Variants in TP63 observed in about 807,000 individuals in gnomAD.
TP63 encodes the protein tumor protein p63, also known as tumor protein 63.
Under a neutral mutation model 82.8 loss-of-function variants are expected in TP63, and 17 were observed. That is an observed-to-expected ratio of 0.21 (90% CI 0.14 to 0.31). The LOEUF (loss-of-function observed/expected upper bound fraction) is 0.31. TP63 is among the 10% of genes least tolerant of loss of function. The pLI is 1.00. For missense variants in TP63, 648 were observed against 895.3 expected (o/e 0.72, Z 3.52); for synonymous variants, 330 against 321.7 (o/e 1.03, Z -0.28).
intron 1 of TP63, among the ~76,000 whole-genome samples, chr3:189,705,057 AT>A (rs1450892224): frequency 6.6e-6 from 1 of 152,196 alleles, no homozygotes; most frequent in African/African-American, 2.4e-5. Context: ...TTTCTTCAAT[AT>A]TTTTTACCTA....
intron 1 of TP63, among the ~76,000 whole-genome samples, chr3:189,734,281 C>T (rs28418876): frequency 0.61 from 91,512 of 149,660 alleles, 28,286 homozygotes; most frequent in Middle Eastern, 0.68. Flanking sequence ...AAGCGATTCT[C>T]CTGCCTCAGC....
chr3:189,734,379 A>G (rs529302445), intron 1 of TP63, among the ~76,000 whole-genome samples: 161 of 151,234 alleles, frequency 1.1e-3, no homozygotes, highest in African/African-American at 3.5e-3. Flanking sequence ...CTTGCCCTGG[A>G]CCCTCTTCCT....
At chr3:189,724,893 G>C (rs1181553246) in intron 1 of TP63, among the ~76,000 whole-genome samples, 1 of 152,152 alleles carries the variant, frequency 6.6e-6, no homozygotes, top group African/African-American at 2.4e-5. Context: ...GTACGGGAGA[G>C]ACTAACAATC....
Position 189,720,060 on chromosome 3 carries a change from T to C in TP63, c.63-17680T>C, listed in dbSNP as rs1456220729. 2.0e-5 allele frequency among the ~76,000 whole-genome samples: 3 copies of C among 152,314 alleles called. No individual in the cohort carries two copies. In the East Asian group the frequency reaches 5.8e-4, roughly 29 times the overall value. On this transcript the variant is annotated intron_variant, in intron 1 of 13. Coordinates refer to ENST00000264731, the MANE Select transcript of TP63 (RefSeq NM_003722.5). The stretch of plus-strand genomic sequence containing the variant: ...TCACAAGCTACAATCTATTCATTTT[T>C]CCTCTGCCAAACCCTGTCTCAAATT...
chr3:189,894,117 G>A, intron 13 of TP63, 89 bp from the exon 14 acceptor site: 1 of 1,483,014 alleles, frequency 6.7e-7, no homozygotes, highest in Non-Finnish European at 9.3e-7. Context: ...AATTAAACCA[G>A]AGCATCAGGG....
At chr3:189,704,868 C>T (rs1238912154) in intron 1 of TP63, among the ~76,000 whole-genome samples, 1 of 152,172 alleles carries the variant, frequency 6.6e-6, no homozygotes, top group Non-Finnish European at 1.5e-5. Context: ...AGGCTAAAAT[C>T]TCTCATCCAT....
At chr3:189,757,817 TTAA>T (rs1361503895) in intron 3 of TP63, among the ~76,000 whole-genome samples, 1 of 152,058 alleles carries the variant, frequency 6.6e-6, no homozygotes, top group African/African-American at 2.4e-5. Context: ...TCAAATAATA[TTAA>T]TAATTGTTCG....
intron 1 of TP63, among the ~76,000 whole-genome samples, chr3:189,698,154 C>T (rs1717532410): frequency 6.6e-6 from 1 of 152,066 alleles, no homozygotes; most frequent in Admixed American, 6.6e-5. Flanking sequence ...CATTACACAT[C>T]AGGTTTAGGT....
At chr3:189,636,635 A>G (rs1016154851) in intron 1 of TP63, among the ~76,000 whole-genome samples, 2 of 152,156 alleles carry the variant, frequency 1.3e-5, no homozygotes, top group African/African-American at 4.8e-5. Context: ...CCAATCTTCT[A>G]AATATAGACC....
At chr3:189,824,546 T>C (rs549420330) in intron 4 of TP63, among the ~76,000 whole-genome samples, 1 of 152,260 alleles carries the variant, frequency 6.6e-6, no homozygotes, top group Middle Eastern at 3.4e-3. Context: ...ACTTTTCCAA[T>C]TAGGCTGTGC....
chr3:189,710,743 A>T (rs1422419370), intron 1 of TP63, among the ~76,000 whole-genome samples: 3 of 152,158 alleles, frequency 2.0e-5, no homozygotes. Context: ...GATTCAACAG[A>T]GTCAGGGAAA....
At chr3:189,720,336 A>G (rs7637305) in intron 1 of TP63, among the ~76,000 whole-genome samples, 142,419 of 152,218 alleles carry the variant, frequency 0.94, 66,880 homozygotes, top group Non-Finnish European at 0.98. Context: ...TTTTATTATC[A>G]TTATTGGCTT....
At chr3:189,682,796 A>C (rs1716093098) in intron 1 of TP63, among the ~76,000 whole-genome samples, 1 of 151,830 alleles carries the variant, frequency 6.6e-6, no homozygotes, top group African/African-American at 2.4e-5. Context: ...GGTTCCCTTT[A>C]CCTCATTGAC....
intron 1 of TP63, among the ~76,000 whole-genome samples, chr3:189,639,623 C>G (rs1036355335): frequency 6.6e-6 from 1 of 152,096 alleles, no homozygotes; most frequent in South Asian, 2.1e-4. Flanking sequence ...AGCAAACACC[C>G]ATTCTCAAAT....
intron 1 of TP63, among the ~76,000 whole-genome samples, chr3:189,676,390 A>G (rs1359442489): frequency 6.6e-6 from 1 of 152,056 alleles, no homozygotes; most frequent in Non-Finnish European, 1.5e-5. Context: ...TAGATTCCAT[A>G]TGTAAGTGGG....
At chr3:189,777,845 C>CTTTTTTTTTTTTTTTTTTT (rs55731981) in intron 3 of TP63, among the ~76,000 whole-genome samples, 1 of 37,752 alleles carries the variant, frequency 2.6e-5, no homozygotes, top group Non-Finnish European at 4.6e-5. Flanking sequence ...TCTTCTTCTT[C>CTTTTTTTTTTTTTTTTTTT]TTTTTTTTTT....
intron 3 of TP63, among the ~76,000 whole-genome samples, chr3:189,747,382 G>A (rs1721461144): frequency 2.0e-5 from 3 of 151,988 alleles, no homozygotes; most frequent in African/African-American, 7.2e-5. Context: ...TTTAAAAATT[G>A]AAATTACATC....
Position 189,868,690 on chromosome 3 carries a change from C to T in TP63, c.1103C>T (p.Thr368Ile). 1 of 1,614,014 alleles carries T rather than the reference C, an allele frequency of 6.2e-7. No individual in the cohort carries two copies. The highest frequency in any genetic ancestry group is 2.2e-5 in the East Asian group (1 of 44,868). ...AGAAAGCAGCAAGTTTCGGACAGTACAAAGAACGGTGATGGTACGAAGCGC... is the reference window on the plus strand; with the variant it reads ...AGAAAGCAGCAAGTTTCGGACAGTATAAAGAACGGTGATGGTACGAAGCGC... ...SIRKQQVSDSTKNGDGTKRPF... is the reference protein window; with the variant it reads ...SIRKQQVSDSIKNGDGTKRPF... The change falls in exon 8 of 14, where the codon ACA becomes ATA. Residue 368 changes from threonine to isoleucine, a missense_variant. By Grantham distance (89) the Thr-to-Ile change is moderately conservative (BLOSUM62 -1). Coordinates refer to ENST00000264731, the MANE Select transcript of TP63 (RefSeq NM_003722.5).
chr3:189,621,057 T>A, the TP63 span, among the ~76,000 whole-genome samples: 1 of 152,214 alleles, frequency 6.6e-6, no homozygotes, highest in Non-Finnish European at 1.5e-5. Context: ...TGTACATTTA[T>A]CCCATGACTA....
Sources: allele counts gnomAD v4.1 joint callset (sites outside exome capture counted in the v4.1 genomes callset), GRCh38; gene constraint gnomAD v4.1.1; transcripts MANE v1.5; gene names NCBI Gene and HGNC (gene_info 2026-07-23, HGNC 2026-07-21).